Variants in PDE4D observed in about 807,000 individuals in gnomAD.
PDE4D encodes phosphodiesterase 4D.
Under a neutral mutation model 87.4 loss-of-function variants are expected in PDE4D, and 24 were observed. The ratio of observed to expected loss-of-function variants is 0.27; its 90% CI spans 0.20 to 0.39. PDE4D has a LOEUF of 0.39. Among genes scored for constraint, PDE4D ranks in the 10% least tolerant of loss-of-function variants. The pLI is 1.00. For synonymous variants in PDE4D, 384 were observed against 383.2 expected, an observed-to-expected ratio of 1.00 and a Z score of -0.02; for missense variants, 714 against 1,041.0, an observed-to-expected ratio of 0.69 and a Z score of 4.32.
intron 1 of PDE4D, among the ~76,000 whole-genome samples, chr5:59,341,723 A>C (rs1422264784): frequency 1.3e-5 from 2 of 152,162 alleles, no homozygotes; most frequent in African/African-American, 2.4e-5. Flanking sequence ...TTACAGGGTC[A>C]CTTGGTTGGT....
At chr5:59,337,405 C>T (rs1777893412) in intron 1 of PDE4D, among the ~76,000 whole-genome samples, 1 of 139,850 alleles carries the variant, frequency 7.2e-6, no homozygotes, top group Admixed American at 7.3e-5. Context: ...GATCTCGGCT[C>T]ACTGCAGGCT....
intron 1 of PDE4D, among the ~76,000 whole-genome samples, chr5:59,384,823 T>A (rs1377729062): frequency 1.3e-5 from 2 of 152,008 alleles, no homozygotes; most frequent in Non-Finnish European, 2.9e-5. Context: ...TTTCTTATCA[T>A]AATAAACATT....
intron 2 of PDE4D, among the ~76,000 whole-genome samples, chr5:59,200,022 T>G (rs940534386): frequency 7.0e-6 from 1 of 142,630 alleles, no homozygotes; most frequent in Non-Finnish European, 1.6e-5. Flanking sequence ...TACATGCACA[T>G]ATACATACAT....
intron 1 of PDE4D, among the ~76,000 whole-genome samples, chr5:60,514,286 T>A (rs1750699653): frequency 6.6e-6 from 1 of 152,056 alleles, no homozygotes; most frequent in Non-Finnish European, 1.5e-5. Flanking sequence ...GAATTAACAG[T>A]AATCTTACAT....
intron 1 of PDE4D, among the ~76,000 whole-genome samples, chr5:60,319,523 G>C (rs1032898019): frequency 6.6e-6 from 1 of 152,240 alleles, no homozygotes; most frequent in African/African-American, 2.4e-5. Flanking sequence ...TTCCGTTGCT[G>C]ATGAGGAGCT....
chr5:59,215,395 T>C (rs1182643485), intron 2 of PDE4D: 2 of 243,162 alleles, frequency 8.2e-6, no homozygotes, highest in East Asian at 1.3e-4. Context: ...TTCAATGGAG[T>C]TGAAAGCTTT....
chr5:59,009,513 AAAGGCTATATC>A (rs1752335213), intron 6 of PDE4D, among the ~76,000 whole-genome samples: 1 of 152,202 alleles, frequency 6.6e-6, no homozygotes, highest in Non-Finnish European at 1.5e-5. Context: ...GCCATTCACA[AAAGGCTATATC>A]TTTAATGTAT....
chr5:59,298,324 C>T (rs1327611786), intron 1 of PDE4D, among the ~76,000 whole-genome samples: 2 of 151,962 alleles, frequency 1.3e-5, no homozygotes, highest in African/African-American at 4.8e-5. Context: ...CCATGTTGAC[C>T]AGGCTGGTCC....
At chr5:59,632,793 AG>A (rs2150154368) in intron 1 of PDE4D, among the ~76,000 whole-genome samples, 1 of 152,380 alleles carries the variant, frequency 6.6e-6, no homozygotes, top group East Asian at 1.9e-4. Flanking sequence ...CAGTGCAAAA[AG>A]GATGGAAATT....
intron 1 of PDE4D, among the ~76,000 whole-genome samples, chr5:60,301,743 T>G (rs956286506): frequency 1.3e-5 from 2 of 152,218 alleles, no homozygotes; most frequent in African/African-American, 4.8e-5. Flanking sequence ...AATACTATGT[T>G]GAATAGGAGT....
chr5:59,620,867 G>C (rs1383766395), intron 1 of PDE4D, among the ~76,000 whole-genome samples: 2 of 152,252 alleles, frequency 1.3e-5, no homozygotes, highest in East Asian at 3.9e-4. Context: ...TGGCAAAATA[G>C]CCAGCATGGG....
chr5:59,013,602 T>C (rs1343522271), intron 6 of PDE4D, among the ~76,000 whole-genome samples: 1 of 152,140 alleles, frequency 6.6e-6, no homozygotes, highest in Non-Finnish European at 1.5e-5. Context: ...CAGGAAGAAG[T>C]TGAATCCCTG....
chr5:60,226,786 C>T (rs4513649), intron 1 of PDE4D, among the ~76,000 whole-genome samples: 14,296 of 151,860 alleles, frequency 0.094, 694 homozygotes, highest in Non-Finnish European at 0.12. Flanking sequence ...CACTTCCAGT[C>T]CCAAGCCATC....
intron 3 of PDE4D, among the ~76,000 whole-genome samples, chr5:59,935,027 T>C (rs1756411672): frequency 6.6e-6 from 1 of 152,158 alleles, no homozygotes; most frequent in Admixed American, 6.5e-5. Flanking sequence ...CTGGTGGTTG[T>C]GGGCAGATGG....
intron 1 of PDE4D, among the ~76,000 whole-genome samples, chr5:60,399,012 G>A (rs992508191): frequency 6.6e-6 from 1 of 152,108 alleles, no homozygotes; most frequent in Non-Finnish European, 1.5e-5. Flanking sequence ...TTAGGTCCCT[G>A]GAGATCTATA....
chr5:59,998,450 A>C lies in PDE4D; in HGVS notation c.43-9733T>G, dbSNP rs377732272. Reference sequence around the variant, plus strand: ...TATAAAATCAAAGACCAGTTGTTAAAATTACCACACCAACATCTCATTTAT... The same window carrying C: ...TATAAAATCAAAGACCAGTTGTTAACATTACCACACCAACATCTCATTTAT... On this transcript the variant is annotated intron_variant, in intron 2 of 16. Transcript: ENST00000502484. Among the ~76,000 whole-genome samples, 35 of 152,302 alleles carry C rather than the reference A, an allele frequency of 2.3e-4. No individual in the cohort carries two copies. The South Asian group carries it at 7.2e-3, about 32-fold the overall frequency.
chr5:60,423,599 T>C (rs144828531), intron 1 of PDE4D, among the ~76,000 whole-genome samples: 3,474 of 151,198 alleles, frequency 0.023, 120 homozygotes, highest in African/African-American at 0.08. Flanking sequence ...GCAGGAAAGA[T>C]CTAAAATCGA....
At chr5:59,285,212 T>TTAA (rs1554121042) in intron 1 of PDE4D, among the ~76,000 whole-genome samples, 2 of 134,628 alleles carry the variant, frequency 1.5e-5, no homozygotes, top group African/African-American at 5.4e-5. Flanking sequence ...TAAAGTATAA[T>TTAA]AAAAAAAAAA....
At position 58,974,698 on chromosome 5, in the gene PDE4D, G is replaced by C. The variant is rs575611627; in HGVS notation, c.2396C>G (p.Ala799Gly). The change falls in exon 15 of 15, where the codon GCC becomes GGC. Residue 799 changes from alanine to glycine, a missense_variant. Ala to Gly is a moderately conservative substitution (Grantham distance 60). Transcript: ENST00000340635. Reference sequence around the variant, plus strand: ...AGGAGAACGATCATCTATGACACAGGCTTCAGGCTGGCTTTCCTCTTCTTC... The same window carrying C: ...AGGAGAACGATCATCTATGACACAGCCTTCAGGCTGGCTTTCCTCTTCTTC... The part of the protein sequence containing the change: ...VGEEEESQPE[A>G]CVIDDRSPDT 2.4e-4 allele frequency: 381 copies of C among 1,607,144 alleles called. 3 individuals are homozygous for C. In the South Asian group the frequency reaches 3.3e-3, roughly 14 times the overall value.
Sources: gnomAD v4.1 joint callset for allele counts (sites outside exome capture counted in the v4.1 genomes callset) on GRCh38, gnomAD v4.1.1 for gene constraint, MANE v1.5 for transcripts, NCBI Gene and HGNC (gene_info 2026-07-23, HGNC 2026-07-21) for gene names.